Variants in HS3ST4 observed in about 807,000 individuals in gnomAD.
The protein encoded by HS3ST4 is heparan sulfate-glucosamine 3-sulfotransferase 4, also known as heparan sulfate glucosamine 3-O-sulfotransferase 4.
Under a neutral mutation model 29.2 loss-of-function variants are expected in HS3ST4, and 17 were observed. The observed-to-expected ratio is 0.58, with a 90% CI of 0.40 to 0.87. The LOEUF (loss-of-function observed/expected upper bound fraction) is 0.87. HS3ST4 is among the 40% of genes least tolerant of loss of function. The probability of loss-of-function intolerance (pLI) is 0.00; values close to 1 mark genes in which losing one functional copy is unlikely to be tolerated. For missense variants in HS3ST4, 627 were observed against 634.5 expected, an observed-to-expected ratio of 0.99 and a Z score of 0.13; for synonymous variants, 314 against 285.7, an observed-to-expected ratio of 1.10 and a Z score of -1.00.
intron 1 of HS3ST4, among the ~76,000 whole-genome samples, chr16:25,949,736 C>T (rs986122054): frequency 3.3e-5 from 5 of 151,994 alleles, no homozygotes; most frequent in African/African-American, 1.2e-4. Context: ...GGATTCTTGT[C>T]GAAGGTGGGA....
At chr16:25,912,829 G>A (rs1328037688) in intron 1 of HS3ST4, among the ~76,000 whole-genome samples, 1 of 152,106 alleles carries the variant, frequency 6.6e-6, no homozygotes, top group East Asian at 1.9e-4. Context: ...GGGAAGCATG[G>A]GCAGATAGAT....
At chr16:26,123,008 C>T (rs1899295701) in intron 1 of HS3ST4, among the ~76,000 whole-genome samples, 3 of 151,152 alleles carry the variant, frequency 2.0e-5, no homozygotes, top group South Asian at 2.1e-4. Flanking sequence ...GAGCTGAGAT[C>T]GCGCCACTGC....
intron 1 of HS3ST4, among the ~76,000 whole-genome samples, chr16:26,119,726 T>C (rs956468771): frequency 1.3e-5 from 2 of 152,206 alleles, no homozygotes; most frequent in Non-Finnish European, 2.9e-5. Context: ...TCTTCCATCA[T>C]TGAACAAATA....
At chr16:25,704,879 CAAA>C (rs775823722) in intron 1 of HS3ST4, among the ~76,000 whole-genome samples, 1 of 122,504 alleles carries the variant, frequency 8.2e-6, no homozygotes, top group Non-Finnish European at 1.7e-5. Context: ...AACTCCATCT[CAAA>C]AAAAAAAAAA....
intron 1 of HS3ST4, among the ~76,000 whole-genome samples, chr16:25,828,533 G>T (rs1306811124): frequency 6.6e-6 from 1 of 151,742 alleles, no homozygotes; most frequent in Admixed American, 6.6e-5. Context: ...TAGAGATGGG[G>T]TTTCATCTTG....
At chr16:25,979,148 C>T (rs939061031) in intron 1 of HS3ST4, among the ~76,000 whole-genome samples, 13 of 152,212 alleles carry the variant, frequency 8.5e-5, no homozygotes, top group African/African-American at 2.4e-4. Flanking sequence ...CCGCCTGCCT[C>T]GGCCTCCCAA....
intron 1 of HS3ST4, among the ~76,000 whole-genome samples, chr16:25,982,795 A>C (rs1969021891): frequency 6.6e-6 from 1 of 152,110 alleles, no homozygotes; most frequent in East Asian, 1.9e-4. Context: ...ACACCACTGC[A>C]CTCCAGCCAG....
At position 25,895,192 on chromosome 16, in the gene HS3ST4, C is replaced by G. The variant is rs76130948; in HGVS notation, c.734+202041C>G. On this transcript the variant is annotated intron_variant, in intron 1 of 1. Transcript: ENST00000331351. ...AAGTGTGTGCGTGTGTGTGGCAGTT[C>G]TGGACCATGGTAACCATGCCTACAA... Among the ~76,000 whole-genome samples, 5 of 151,936 alleles carry G rather than the reference C, an allele frequency of 3.3e-5. No homozygotes were observed. The South Asian group carries it at 1.0e-3, about 32-fold the overall frequency.
intron 1 of HS3ST4, among the ~76,000 whole-genome samples, chr16:25,834,034 C>T (rs1349552406): frequency 6.6e-6 from 1 of 152,050 alleles, no homozygotes; most frequent in Non-Finnish European, 1.5e-5. Flanking sequence ...AAAAAAATGG[C>T]CAAGATTGGT....
At chr16:25,866,895 A>C (rs60996549) in intron 1 of HS3ST4, among the ~76,000 whole-genome samples, 10,895 of 152,194 alleles carry the variant, frequency 0.072, 1,276 homozygotes, top group African/African-American at 0.25. Flanking sequence ...AGTAAGGTTT[A>C]TTCTTCCATG....
At chr16:26,037,786 G>T (rs970010274) in intron 1 of HS3ST4, among the ~76,000 whole-genome samples, 15 of 152,156 alleles carry the variant, frequency 9.9e-5, no homozygotes, top group African/African-American at 3.4e-4. Context: ...AAATTAGGGT[G>T]CCGCTACTTA....
chr16:25,978,078 G>A (rs1025263796), intron 1 of HS3ST4, among the ~76,000 whole-genome samples: 7 of 152,166 alleles, frequency 4.6e-5, no homozygotes, highest in Admixed American at 1.3e-4. Context: ...ATGCAGGAAC[G>A]TGGTAGAGGA....
intron 1 of HS3ST4, among the ~76,000 whole-genome samples, chr16:25,899,028 G>A (rs151322049): frequency 1.3e-5 from 2 of 152,310 alleles, no homozygotes; most frequent in Non-Finnish European, 2.9e-5. Context: ...CTTTCACACC[G>A]TGGCACAGTT....
At chr16:25,921,227 C>T (rs549789800) in intron 1 of HS3ST4, among the ~76,000 whole-genome samples, 39 of 152,252 alleles carry the variant, frequency 2.6e-4, no homozygotes, top group African/African-American at 7.9e-4. Flanking sequence ...GTGTTAATTA[C>T]GATACAGTCT....
chr16:25,839,926 T>C (rs972812082), intron 1 of HS3ST4, among the ~76,000 whole-genome samples: 1 of 152,196 alleles, frequency 6.6e-6, no homozygotes, highest in African/African-American at 2.4e-5. Flanking sequence ...ACACTCCTGG[T>C]CAAAAGGAAG....
At chr16:26,013,892 C>T (rs1180394134) in intron 1 of HS3ST4, among the ~76,000 whole-genome samples, 1 of 152,084 alleles carries the variant, frequency 6.6e-6, no homozygotes, top group Non-Finnish European at 1.5e-5. Context: ...CCCGTAGTCC[C>T]AGCTACTCTG....
chr16:25,725,651 G>T (rs1165775060), intron 1 of HS3ST4, among the ~76,000 whole-genome samples: 1 of 151,280 alleles, frequency 6.6e-6, no homozygotes, highest in Non-Finnish European at 1.5e-5. Context: ...ATATTTAATT[G>T]TAAATTCTAT....
At chr16:26,058,279 T>C (rs920126269) in intron 1 of HS3ST4, among the ~76,000 whole-genome samples, 2 of 152,204 alleles carry the variant, frequency 1.3e-5, no homozygotes, top group Non-Finnish European at 2.9e-5. Flanking sequence ...GGGCATCAGC[T>C]CAGAACAACC....
chr16:25,706,085 A>G (rs1049552027), intron 1 of HS3ST4, among the ~76,000 whole-genome samples: 4 of 152,224 alleles, frequency 2.6e-5, no homozygotes, highest in African/African-American at 4.8e-5. Flanking sequence ...CTCAGGGCAG[A>G]CTGCGTAAAG....
Sources: allele counts gnomAD v4.1 joint callset (sites outside exome capture counted in the v4.1 genomes callset), GRCh38; gene constraint gnomAD v4.1.1; transcripts MANE v1.5; gene names NCBI Gene and HGNC (gene_info 2026-07-23, HGNC 2026-07-21).